METTL27: variants seen among roughly 807,000 people sequenced by gnomAD.
METTL27 encodes methyltransferase-like protein 27.
In METTL27, 29 loss-of-function variants were observed where a neutral mutation model predicts 24.5. That is an observed-to-expected ratio of 1.18 (90% CI 0.88 to 1.61). The LOEUF is 1.61. Ranked by LOEUF, METTL27 falls within the 40% of genes most tolerant of loss-of-function variation. The pLI is 0.00. For synonymous variants in METTL27, 138 were observed against 146.8 expected, an observed-to-expected ratio of 0.94 and a Z score of 0.43; for missense variants, 341 against 324.3, an observed-to-expected ratio of 1.05 and a Z score of -0.40.
intron 5 of METTL27, 141 bp from the exon 6 acceptor site, chr7:73,835,143 C>CCCTCCTCTCCCTCCTCTCCCT (rs567433438): frequency 2.6e-5 from 26 of 996,424 alleles, no homozygotes; most frequent in Admixed American, 9.0e-5. Flanking sequence ...CTCTCCCTCT[C>CCCTCCTCTCCCTCCTCTCCCT]CCTCTCCCTC....
In METTL27 at chr7:73,834,601, C is replaced by G. The variant is rs1788105677; in HGVS notation, c.*142G>C. 1 of 692,612 alleles carries G rather than the reference C, an allele frequency of 1.4e-6. No homozygotes were observed. The highest frequency in any genetic ancestry group is 2.4e-6 in the Non-Finnish European group (1 of 416,342). 42.9% of individuals were successfully genotyped at this position (692,612 alleles called of 1,614,324 possible). On this transcript the variant is annotated 3_prime_UTR_variant, in exon 6 of 6. Coordinates refer to ENST00000297873, the MANE Select transcript of METTL27 (RefSeq NM_152559.3). ...AACAGATGCCACTGTTTTCTGGGAG[C>G]TCATTTAATAGGCAGGGCATTTCTG... is the stretch of plus-strand genomic sequence containing the variant.
Position 73,842,042 on chromosome 7 carries a change from G to A in METTL27, c.99C>T (p.Asp33=), listed in dbSNP as rs1554636557. 42 of 1,614,170 alleles carry A rather than the reference G, an allele frequency of 2.6e-5. No homozygotes were observed. The highest frequency in any genetic ancestry group is 3.4e-5 in the Non-Finnish European group (40 of 1,180,004). The change falls in exon 2 of 6, where the codon GAC becomes GAT. Residue 33 remains aspartate, a synonymous_variant. Coordinates refer to ENST00000297873, the MANE Select transcript of METTL27 (RefSeq NM_152559.3). ...CCTGGTCGTAGTCCGGAGCCCAGCG[G>A]TCATAGAAATGGAGCTTTTGGGCCA... ...PDLAQKLHFY[D]RWAPDYDQDV...
chr7:73,842,362 G>T (rs1788390404), intron 1 of METTL27, 128 bp downstream of exon 1: 5 of 678,750 alleles, frequency 7.4e-6, no homozygotes, highest in Non-Finnish European at 1.1e-5. Flanking sequence ...CAAGGTGGGA[G>T]AAGGGGGTGC....
intron 5 of METTL27, among the ~76,000 whole-genome samples, chr7:73,835,822 G>T (rs1419097783): frequency 9.1e-6 from 1 of 110,348 alleles, no homozygotes. Flanking sequence ...GTCTCTGCCC[G>T]GCCGCCCATT....
intron 2 of METTL27, 105 bp from the exon 3 acceptor site, chr7:73,841,303 G>A: frequency 2.7e-6 from 4 of 1,460,864 alleles, no homozygotes; most frequent in Non-Finnish European, 3.6e-6. Context: ...GTGTGTTGGG[G>A]ATCAAGCCTG....
At position 73,841,147 on chromosome 7, in the gene METTL27, T is replaced by C. The variant is rs782486701; in HGVS notation, c.175A>G (p.Thr59Ala). The change falls in exon 3 of 6, where the codon ACA becomes GCA. Residue 59 changes from threonine to alanine, a missense_variant. Physicochemically the swap from Thr to Ala is moderately conservative, Grantham distance 58. Coordinates refer to ENST00000297873, the MANE Select transcript of METTL27 (RefSeq NM_152559.3). The stretch of plus-strand genomic sequence containing the variant: ...TGGGGCGGGCCTGGAAGGGCTTGTG[T>C]GAGGCAGTCCACTGCGAGGCGGGGC... The part of the protein sequence containing the change: ...RAPRLAVDCL[T>A]QALPGPPHSA... The C allele has an allele frequency of 6.5e-7, 1 of 1,544,744 alleles. No homozygotes were observed. Among genetic ancestry groups the C allele is most frequent in the South Asian group, 1.3e-5 (1 of 79,840 alleles).
At position 73,834,691 on chromosome 7, in the gene METTL27, C is replaced by T; in HGVS notation, c.*52G>A. ...GGCAGAGGAGGCCCAGCAGATGGGCCCAGCTAAGGCCACATGGAGTCAGGG... is the reference window on the plus strand; with the variant it reads ...GGCAGAGGAGGCCCAGCAGATGGGCTCAGCTAAGGCCACATGGAGTCAGGG... On this transcript the variant is annotated 3_prime_UTR_variant, in exon 6 of 6. Coordinates refer to ENST00000297873, the MANE Select transcript of METTL27 (RefSeq NM_152559.3). 2 of 1,546,076 alleles carry T rather than the reference C, an allele frequency of 1.3e-6. No homozygotes were observed. The highest frequency in any genetic ancestry group is 1.8e-5 in the Admixed American group (1 of 54,476).
chr7:73,837,381 T>A (rs958622975), intron 5 of METTL27, among the ~76,000 whole-genome samples: 6 of 126,874 alleles, frequency 4.7e-5, no homozygotes, highest in South Asian at 2.4e-4. Flanking sequence ...AATAAATAAA[T>A]AAAAGATTGG....
Position 73,842,067 on chromosome 7 carries a change from A to C in METTL27, c.74T>G (p.Leu25Arg). 6.2e-7 allele frequency: 1 copy of C among 1,614,076 alleles called. No homozygotes were observed. Among genetic ancestry groups the C allele is most frequent in the Non-Finnish European group, 8.5e-7 (1 of 1,179,972 alleles). Residue 25 changes from leucine to arginine, a missense_variant, in exon 2 of 6, where the codon CTG (leucine) becomes CGG (arginine). Coordinates refer to ENST00000297873, the MANE Select transcript of METTL27 (RefSeq NM_152559.3). ...RVRAAHGIPDLAQKLHFYDRW... is the reference protein window; with the variant it reads ...RVRAAHGIPDRAQKLHFYDRW... ...GTCATAGAAATGGAGCTTTTGGGCC[A>C]GGTCGGGGATGCCATGCGCGGCCCT...
intron 5 of METTL27, among the ~76,000 whole-genome samples, chr7:73,836,392 C>T (rs1788197163): frequency 6.9e-6 from 1 of 144,320 alleles, no homozygotes; most frequent in Non-Finnish European, 1.5e-5. Context: ...CCGCCCAGTC[C>T]GGGAGGGAGG....
At chr7:73,837,269 G>A (rs1554635473) in intron 5 of METTL27, among the ~76,000 whole-genome samples, 1 of 102,356 alleles carries the variant, frequency 9.8e-6, no homozygotes, top group Non-Finnish European at 2.1e-5. Context: ...AAACACCCAA[G>A]AATTATCAAT....
intron 4 of METTL27, 64 bp downstream of exon 4, chr7:73,840,350 G>A: frequency 6.5e-7 from 1 of 1,546,562 alleles, no homozygotes; most frequent in Non-Finnish European, 8.7e-7. Context: ...AGGGATGGAG[G>A]ATCAGCAAGG....
Position 73,840,061 on chromosome 7 carries a change from C to T in METTL27, c.448G>A (p.Ala150Thr), listed in dbSNP as rs782435970. ...TTGGTGACATGTAGCTCAGGTATCG[C>T]ATTGCAGGGCACCTGGCCGTCACTG... ...ALSDGQVPCN[A>T]IPELHVTKPG... Residue 150 changes from alanine (A) to threonine (T), a missense_variant, in exon 5 of 6, where the codon GCG (alanine) becomes ACG (threonine). Physicochemically the swap from Ala to Thr is moderately conservative, Grantham distance 58. Coordinates refer to ENST00000297873, the MANE Select transcript of METTL27 (RefSeq NM_152559.3). 1 of 1,610,928 alleles carries T rather than the reference C, an allele frequency of 6.2e-7. No homozygotes were observed. Among genetic ancestry groups the T allele is most frequent in the African/African-American group, 1.3e-5 (1 of 74,144 alleles).
chr7:73,840,944 G>T (rs1407598962), intron 3 of METTL27, 126 bp downstream of exon 3: 55 of 1,329,596 alleles, frequency 4.1e-5, no homozygotes, highest in Non-Finnish European at 5.2e-5. Flanking sequence ...CAGTATGCCT[G>T]GTCCTGTCTC....
At chr7:73,840,229 TCTGCAGGACCCAGGTCC>T (rs1554636082) in intron 4 of METTL27, 109 bp from the exon 5 acceptor site, 1 of 1,454,356 alleles carries the variant, frequency 6.9e-7, no homozygotes, top group African/African-American at 1.4e-5. Flanking sequence ...ACTACCCGCA[TCTGCAGGACCCAGGTCC>T]CCTAGAGGAT....
At chr7:73,839,989 TGGTGAC>T in intron 5 of METTL27, 36 bp downstream of exon 5, 1 of 1,558,088 alleles carries the variant, frequency 6.4e-7, no homozygotes, top group East Asian at 2.2e-5. Context: ...GGAAGGTATA[TGGTGAC>T]GGGGGTTGGG....
At chr7:73,837,370 A>G (rs1274717829) in intron 5 of METTL27, among the ~76,000 whole-genome samples, 1 of 148,496 alleles carries the variant, frequency 6.7e-6, no homozygotes, top group African/African-American at 2.4e-5. Context: ...ATAAATAAAT[A>G]AATAAATAAA....
rs139449951 is a variant in METTL27 at position 73,840,546 on chromosome 7, G to C, written c.256C>G (p.Arg86Gly). The C allele has an allele frequency of 1.0e-5, 16 of 1,589,416 alleles. No individual in the cohort carries two copies. In the African/African-American group the frequency reaches 1.9e-4, roughly 19 times the overall value. ...CGTGLVAAEL[R>G]APGFLQLHGV... ...TGCAGCTGGAGGAAGCCTGGAGCCC[G>C]CAGCTGGGGTAGGGGTGGGAGACTC... Residue 86 changes from arginine (R) to glycine (G), a missense_variant, in exon 4 of 6, where the codon CGG becomes GGG. Coordinates refer to ENST00000297873, the MANE Select transcript of METTL27 (RefSeq NM_152559.3).
chr7:73,839,713 T>G, intron 5 of METTL27: 1 of 304,954 alleles, frequency 3.3e-6, no homozygotes, highest in Non-Finnish European at 6.0e-6. Flanking sequence ...TTCACCTGAT[T>G]CTCACTGCAG....
Sources: allele counts gnomAD v4.1 joint callset (sites outside exome capture counted in the v4.1 genomes callset), GRCh38; gene constraint gnomAD v4.1.1; transcripts MANE v1.5; gene names NCBI Gene and HGNC (gene_info 2026-07-23, HGNC 2026-07-21).